NBN: variants seen among roughly 807,000 people sequenced by gnomAD.
The protein encoded by NBN is Nijmegen breakage syndrome 1 (nibrin).
In NBN, 88 loss-of-function variants were observed where a neutral mutation model predicts 90.8. The observed-to-expected ratio is 0.97, with a 90% CI of 0.82 to 1.16. The LOEUF (loss-of-function observed/expected upper bound fraction) is 1.16, where lower values mean the gene tolerates loss of function less well. Ranked by LOEUF, NBN falls within the 50% of genes most tolerant of loss-of-function variation. The pLI, the probability that NBN is intolerant of heterozygous loss-of-function variation, is 0.00. For synonymous variants in NBN, 328 were observed against 295.1 expected, an observed-to-expected ratio of 1.11 and a Z score of -1.14; for missense variants, 894 against 869.6, an observed-to-expected ratio of 1.03 and a Z score of -0.35.
chr8:89,936,073 A>G, intron 15 of NBN: 1 of 369,828 alleles, frequency 2.7e-6, no homozygotes, highest in Non-Finnish European at 5.1e-6. Flanking sequence ...AAAAACCAGT[A>G]TTGTCTGTCA....
At chr8:89,984,193 C>G (rs1037742519) in intron 1 of NBN, 73 of 453,608 alleles carry the variant, frequency 1.6e-4, no homozygotes, top group Non-Finnish European at 2.8e-4. Context: ...CCACTAGGCG[C>G]CTGCTGCCGC....
intron 11 of NBN, among the ~76,000 whole-genome samples, chr8:89,951,897 G>A (rs1810463683): frequency 6.6e-6 from 1 of 152,156 alleles, no homozygotes; most frequent in Non-Finnish European, 1.5e-5. Flanking sequence ...AACATTTCCA[G>A]ACTCTTCTAG....
At chr8:89,979,575 T>C (rs1586104415) in intron 4 of NBN, among the ~76,000 whole-genome samples, 1 of 152,092 alleles carries the variant, frequency 6.6e-6, no homozygotes, top group Admixed American at 6.6e-5. Flanking sequence ...TAAGAATAAA[T>C]GGTCTTTAAA....
At chr8:89,974,092 T>C (rs1198252138) in intron 5 of NBN, among the ~76,000 whole-genome samples, 1 of 152,156 alleles carries the variant, frequency 6.6e-6, no homozygotes, top group Non-Finnish European at 1.5e-5. Flanking sequence ...TGTACGAAGA[T>C]TTTGCAAATA....
intron 11 of NBN, among the ~76,000 whole-genome samples, chr8:89,950,761 T>C (rs997932020): frequency 1.3e-5 from 2 of 151,948 alleles, no homozygotes; most frequent in South Asian, 2.1e-4. Flanking sequence ...TCTTTCGGTC[T>C]ATGAAAGACT....
At chr8:89,968,309 T>A (rs1406717921) in intron 7 of NBN, among the ~76,000 whole-genome samples, 1 of 152,070 alleles carries the variant, frequency 6.6e-6, no homozygotes, top group African/African-American at 2.4e-5. Context: ...AAGTGTCACC[T>A]CATGATCAAG....
chr8:89,982,617 T>C, intron 2 of NBN, 105 bp downstream of exon 2: 2 of 1,089,638 alleles, frequency 1.8e-6, no homozygotes, highest in Non-Finnish European at 2.8e-6. Context: ...CACAGCTCTA[T>C]AAAATGACAA....
rs1289150113 is a variant in NBN, at chr8:89,958,751, G to A, written c.1098C>T (p.Asp366=). ...ATGTATCTGCTTGCTCTGATTCTGT[G>A]TCAGCTACGTATGTTGTAGTGTTCA... ...APVNTTTYVA[D]TESEQADTWD... is the part of the protein sequence containing the mutation. Residue 366 remains aspartate (D), a synonymous_variant, in exon 9 of 16, where the codon GAC becomes GAT. Coordinates refer to ENST00000265433, the MANE Select transcript of NBN (RefSeq NM_002485.5). 2 of 1,614,048 alleles carry A rather than the reference G, an allele frequency of 1.2e-6. No homozygotes were observed. The highest frequency in any genetic ancestry group is 2.2e-5 in the South Asian group (2 of 91,082).
At chr8:89,981,226 A>G (rs1812048386) in intron 3 of NBN, 149 bp downstream of exon 3, 1 of 836,866 alleles carries the variant, frequency 1.2e-6, no homozygotes, top group South Asian at 1.6e-5. Flanking sequence ...TACAAAATGC[A>G]CTCACCACCC....
chr8:89,953,016 T>C (rs1290252732), intron 11 of NBN, among the ~76,000 whole-genome samples: 2 of 152,306 alleles, frequency 1.3e-5, no homozygotes, highest in South Asian at 2.1e-4. Context: ...TTTGGAAATC[T>C]AGTAAAACAA....
At chr8:89,948,472 C>T (rs1221488791) in intron 11 of NBN, among the ~76,000 whole-genome samples, 1 of 152,196 alleles carries the variant, frequency 6.6e-6, no homozygotes, top group Non-Finnish European at 1.5e-5. Flanking sequence ...AAAATGAAGA[C>T]TGCCTTGTAT....
Position 89,981,419 on chromosome 8 carries a change from C to A in NBN, c.276G>T (p.Lys92Asn). The change falls in exon 3 of 16, where the codon AAG becomes AAT. Residue 92 changes from lysine (K) to asparagine (N), a missense_variant. Lys to Asn is a moderately conservative substitution (Grantham distance 94). Coordinates refer to ENST00000265433, the MANE Select transcript of NBN (RefSeq NM_002485.5). ...KMQNGFSRTL[K>N]SGDGITFGVF... ...CTCCAAAAGTAATACCATCCCCCGA[C>A]TTCAAAGTTCGGGAAAAGCCATTCT... 1 of 1,614,080 alleles carries A rather than the reference C, an allele frequency of 6.2e-7. No individual in the cohort carries two copies. Among genetic ancestry groups the A allele is most frequent in the Non-Finnish European group, 8.5e-7 (1 of 1,179,974 alleles).
chr8:89,982,018 C>G, intron 2 of NBN: 1 of 1,084,372 alleles, frequency 9.2e-7, no homozygotes, highest in East Asian at 4.8e-5. Context: ...AGAACAGAAA[C>G]AAAACCTAAA....
At chr8:89,948,335 C>T (rs7830385) in intron 11 of NBN, among the ~76,000 whole-genome samples, 103 of 152,184 alleles carry the variant, frequency 6.8e-4, no homozygotes, top group African/African-American at 2.1e-3. Flanking sequence ...CATGTCTGTA[C>T]GATCGTGTAT....
chr8:89,940,242 C>T (rs917685174), intron 14 of NBN, among the ~76,000 whole-genome samples: 2 of 152,100 alleles, frequency 1.3e-5, no homozygotes, highest in East Asian at 3.9e-4. Flanking sequence ...CATGCACTAC[C>T]ATGACCCGCT....
rs1805797 is a variant in NBN at position 89,981,655 on chromosome 8, C to T, written c.172-132G>A. On this transcript the variant is annotated intron_variant, in intron 2 of 15. Transcript: ENST00000265433. ...ACACGGCAGACAACAATTACTGCTTCGGTTGCCTTGAGAGGAAGATCACTC... is the reference window on the plus strand; with the variant it reads ...ACACGGCAGACAACAATTACTGCTTTGGTTGCCTTGAGAGGAAGATCACTC... 0.34 allele frequency: 309,856 copies of T among 905,784 alleles called. 54,330 individuals are homozygous for T. Among genetic ancestry groups the T allele is most frequent in the East Asian group, 0.48 (18,972 of 39,500 alleles). 56.1% of individuals were successfully genotyped at this position (905,784 alleles called of 1,614,324 possible).
At chr8:89,939,571 C>T (rs976741776) in intron 14 of NBN, among the ~76,000 whole-genome samples, 20 of 152,248 alleles carry the variant, frequency 1.3e-4, no homozygotes, top group African/African-American at 4.3e-4. Context: ...CCATGCCATA[C>T]GCTTAAAAAG....
intron 8 of NBN, among the ~76,000 whole-genome samples, chr8:89,961,463 A>G (rs1042949452): frequency 1.3e-5 from 2 of 152,232 alleles, no homozygotes; most frequent in African/African-American, 4.8e-5. Flanking sequence ...GCTACTGAGC[A>G]TAGAAACAGA....
At chr8:89,980,695 T>C (rs773519863) in intron 4 of NBN, 39 bp downstream of exon 4, 121 of 1,548,878 alleles carry the variant, frequency 7.8e-5, no homozygotes, top group Non-Finnish European at 1.1e-4. Flanking sequence ...TAAATTCAAA[T>C]AACTTATTTT....
Sources: allele counts gnomAD v4.1 joint callset (sites outside exome capture counted in the v4.1 genomes callset), GRCh38; gene constraint gnomAD v4.1.1; transcripts MANE v1.5; gene names NCBI Gene and HGNC (gene_info 2026-07-23, HGNC 2026-07-21).